The following TAFA2 variants were observed in gnomAD, a reference collection of about 807,000 sequenced individuals.
The protein encoded by TAFA2 is TAFA chemokine like family member 2, also known as chemokine-like protein TAFA-2.
In TAFA2, 7 loss-of-function variants were observed where a neutral mutation model predicts 18.8. The observed-to-expected ratio is 0.37, with a 90% CI of 0.21 to 0.70. The LOEUF is 0.70. Ranked by LOEUF, TAFA2 falls within the 30% of genes least tolerant of loss-of-function variation. The pLI, the probability that TAFA2 is intolerant of heterozygous loss-of-function variation, is 0.53. For missense variants in TAFA2, 122 were observed against 158.1 expected (o/e 0.77, Z 1.23); for synonymous variants, 60 against 54.2 (o/e 1.11, Z -0.47).
intron 1 of TAFA2, among the ~76,000 whole-genome samples, chr12:61,920,925 G>A (rs558128964): frequency 6.6e-6 from 1 of 152,106 alleles, no homozygotes; most frequent in South Asian, 2.1e-4. Context: ...TAAAGAAGAT[G>A]AGTGAGTACC....
At chr12:62,056,261 T>C (rs1438292790) in intron 1 of TAFA2, among the ~76,000 whole-genome samples, 3 of 152,172 alleles carry the variant, frequency 2.0e-5, no homozygotes, top group African/African-American at 4.8e-5. Context: ...TCGCCAGATA[T>C]TTAAAACACT....
intron 2 of TAFA2, among the ~76,000 whole-genome samples, chr12:61,847,175 T>C (rs576229812): frequency 1.3e-5 from 2 of 152,346 alleles, no homozygotes; most frequent in Admixed American, 1.3e-4. Flanking sequence ...TATTATCTCT[T>C]CTGCTGTTGT....
At position 61,920,555 on chromosome 12, in the gene TAFA2, T is replaced by C. The variant is rs74096116; in HGVS notation, c.-1-53129A>G. Among the ~76,000 whole-genome samples the C allele has an allele frequency of 4.1e-3, 626 of 152,356 alleles. 5 individuals carry two copies. Among genetic ancestry groups the C allele is most frequent in the African/African-American group, 0.014 (601 of 41,584 alleles). On this transcript the variant is annotated intron_variant, in intron 1 of 4. Coordinates refer to ENST00000416284, the MANE Select transcript of TAFA2 (RefSeq NM_178539.5). Reference sequence around the variant, plus strand: ...CCCTTTTCCTTTGTCATGTCACTTTTCTACAAATGTATTGTTCCTTGTTAC... The same window carrying C: ...CCCTTTTCCTTTGTCATGTCACTTTCCTACAAATGTATTGTTCCTTGTTAC...
intron 1 of TAFA2, among the ~76,000 whole-genome samples, chr12:61,924,817 G>A (rs760434680): frequency 2.0e-5 from 3 of 152,086 alleles, no homozygotes; most frequent in Admixed American, 6.6e-5. Flanking sequence ...GTCAAGATCC[G>A]TCAGTGTGCT....
At chr12:62,033,184 C>A (rs1295608478) in intron 1 of TAFA2, among the ~76,000 whole-genome samples, 3 of 152,196 alleles carry the variant, frequency 2.0e-5, no homozygotes, top group Non-Finnish European at 2.9e-5. Flanking sequence ...TTACATCACC[C>A]TTTAGCAGAA....
At position 62,218,036 on chromosome 12, in the gene TAFA2, C is replaced by T. The variant is rs1010254131; in HGVS notation, c.-130+40727G>A. On this transcript the variant is annotated intron_variant, in intron 1 of 5. Transcript: ENST00000551619. The stretch of plus-strand genomic sequence containing the variant: ...TTTGAGACAGGGTCTCACTCTGTTG[C>T]CCTGGCTGGACTGCAGTGATGCGAT... Among the ~76,000 whole-genome samples, 9 of 151,346 alleles carry T rather than the reference C, an allele frequency of 5.9e-5. No homozygotes were observed. The South Asian group carries it at 8.3e-4, about 14-fold the overall frequency.
At chr12:62,214,633 T>C (rs187931364) in intron 1 of TAFA2, among the ~76,000 whole-genome samples, 11 of 152,290 alleles carry the variant, frequency 7.2e-5, no homozygotes, top group Non-Finnish European at 1.5e-4. Flanking sequence ...ATGAGGTCTT[T>C]AGGGTGGGAC....
intron 1 of TAFA2, among the ~76,000 whole-genome samples, chr12:61,986,039 C>A (rs1309109897): frequency 3.3e-5 from 5 of 152,036 alleles, no homozygotes; most frequent in Non-Finnish European, 7.4e-5. Flanking sequence ...CCTCTGGTGA[C>A]CTCGAAATAA....
intron 4 of TAFA2, among the ~76,000 whole-genome samples, chr12:61,749,091 C>G (rs1288677347): frequency 8.8e-5 from 13 of 148,364 alleles, no homozygotes; most frequent in African/African-American, 3.3e-4. Context: ...CACAGCAAAA[C>G]CCCGTTGTTA....
chr12:62,236,897 T>C (rs1469372142), intron 1 of TAFA2, among the ~76,000 whole-genome samples: 1 of 152,192 alleles, frequency 6.6e-6, no homozygotes, highest in Non-Finnish European at 1.5e-5. Flanking sequence ...TTCTTGACTT[T>C]TGAGAGTTTA....
At chr12:61,800,188 T>C (rs1043350385) in intron 2 of TAFA2, among the ~76,000 whole-genome samples, 2 of 152,188 alleles carry the variant, frequency 1.3e-5, no homozygotes, top group Non-Finnish European at 2.9e-5. Context: ...ATATCCACTA[T>C]CTATGTGCCA....
intron 1 of TAFA2, among the ~76,000 whole-genome samples, chr12:62,184,502 C>CTTTTTTTTTTT (rs10526118): frequency 0.032 from 3,423 of 106,034 alleles, 451 homozygotes; most frequent in African/African-American, 0.1. Context: ...AAAAAAAATT[C>CTTTTTTTTTTT]TTTTTTTTTT....
chr12:62,203,746 T>G (rs769399956), intron 1 of TAFA2, among the ~76,000 whole-genome samples: 2 of 152,160 alleles, frequency 1.3e-5, no homozygotes, highest in Non-Finnish European at 2.9e-5. Flanking sequence ...ATGAGCTCAG[T>G]CTCTTGAATA....
At chr12:62,099,711 C>G (rs1428262663) in intron 1 of TAFA2, among the ~76,000 whole-genome samples, 1 of 152,036 alleles carries the variant, frequency 6.6e-6, no homozygotes, top group East Asian at 1.9e-4. Flanking sequence ...TATGCCAGGC[C>G]CTTGCTGGCT....
chr12:61,809,626 A>T (rs900282253), intron 2 of TAFA2, among the ~76,000 whole-genome samples: 5 of 151,044 alleles, frequency 3.3e-5, no homozygotes, highest in South Asian at 4.2e-4. Flanking sequence ...TTTTTAATTT[A>T]AAAAAAAGCA....
chr12:62,030,356 C>T (rs573358656), intron 1 of TAFA2, among the ~76,000 whole-genome samples: 19 of 151,934 alleles, frequency 1.3e-4, no homozygotes, highest in Non-Finnish European at 1.5e-4. Context: ...TAAATGGCCC[C>T]GAATTGAGAT....
intron 4 of TAFA2, among the ~76,000 whole-genome samples, chr12:61,747,861 TATA>T (rs1868805575): frequency 6.7e-6 from 1 of 149,694 alleles, no homozygotes; most frequent in Admixed American, 6.7e-5. Flanking sequence ...AACTTAAAAG[TATA>T]ATAATAATAA....
chr12:62,253,668 G>A (rs1340251853), intron 1 of TAFA2: 1 of 152,140 alleles, frequency 6.6e-6, no homozygotes, highest in African/African-American at 2.4e-5. Context: ...GCCATAACCA[G>A]GAAAGTGTCT....
chr12:62,127,476 G>A (rs1324194040), intron 1 of TAFA2, among the ~76,000 whole-genome samples: 2 of 151,812 alleles, frequency 1.3e-5, no homozygotes, highest in Non-Finnish European at 2.9e-5. Flanking sequence ...GTGAAAACTG[G>A]TTCATCTTAA....
Sources: allele counts gnomAD v4.1 joint callset (sites outside exome capture counted in the v4.1 genomes callset), GRCh38; gene constraint gnomAD v4.1.1; transcripts MANE v1.5; gene names NCBI Gene and HGNC (gene_info 2026-07-23, HGNC 2026-07-21).